Variants in PDGFRA observed in about 807,000 individuals in gnomAD.
PDGFRA encodes the protein platelet derived growth factor receptor alpha, also known as platelet-derived growth factor receptor alpha.
A neutral mutation model predicts 121.5 loss-of-function variants in PDGFRA; 25 were observed. That is an observed-to-expected ratio of 0.21 (90% CI 0.15 to 0.29). PDGFRA has a LOEUF of 0.29. PDGFRA is among the 10% of genes least tolerant of loss of function. The pLI, the probability that PDGFRA is intolerant of heterozygous loss-of-function variation, is 1.00. For synonymous variants in PDGFRA, 463 were observed against 494.8 expected (o/e 0.94, Z 0.85); for missense variants, 1,008 against 1,345.1 (o/e 0.75, Z 3.92).
chr4:54,275,061 A>C (rs575275436), intron 12 of PDGFRA, 88 bp downstream of exon 12: 1 of 1,433,128 alleles, frequency 7.0e-7, no homozygotes, highest in South Asian at 1.1e-5. Context: ...TAGAGATCTG[A>C]GCTTGTGCTT....
At chr4:54,247,182 C>A (rs1291462386) in intron 1 of PDGFRA, among the ~76,000 whole-genome samples, 1 of 152,098 alleles carries the variant, frequency 6.6e-6, no homozygotes, top group Non-Finnish European at 1.5e-5. Context: ...CTATTCCAAT[C>A]AATAGAAAAA....
intron 22 of PDGFRA, among the ~76,000 whole-genome samples, chr4:54,293,832 G>A (rs1020294711): frequency 3.3e-5 from 5 of 151,556 alleles, no homozygotes; most frequent in African/African-American, 9.7e-5. Context: ...CCAGTTCTCC[G>A]CTGTCTTTGC....
intron 1 of PDGFRA, among the ~76,000 whole-genome samples, chr4:54,253,608 A>G (rs1336333533): frequency 1.3e-5 from 2 of 152,204 alleles, no homozygotes; most frequent in African/African-American, 2.4e-5. Flanking sequence ...TTGGCATGAG[A>G]GAAGTAATTA....
intron 1 of PDGFRA, among the ~76,000 whole-genome samples, chr4:54,239,420 T>C (rs1216220563): frequency 6.6e-6 from 1 of 152,284 alleles, no homozygotes; most frequent in African/African-American, 2.4e-5. Context: ...CTTGAATTCC[T>C]TCCTGCATGA....
chr4:54,278,807 T>C, intron 15 of PDGFRA: 1 of 553,490 alleles, frequency 1.8e-6, no homozygotes, highest in East Asian at 4.3e-5. Flanking sequence ...CACTTAGACC[T>C]ATAAAATGCA....
intron 10 of PDGFRA, among the ~76,000 whole-genome samples, 157 bp downstream of exon 10, chr4:54,273,887 T>C (rs567896044): frequency 7.2e-5 from 11 of 152,364 alleles, no homozygotes; most frequent in African/African-American, 2.6e-4. Context: ...TGTTTTATTT[T>C]GTTTTGTTTT....
chr4:54,266,729 C>G (rs1295938431), intron 5 of PDGFRA, among the ~76,000 whole-genome samples: 2 of 152,038 alleles, frequency 1.3e-5, no homozygotes, highest in Non-Finnish European at 2.9e-5. Context: ...GCCTGTAATC[C>G]CAGTACTTTG....
intron 2 of PDGFRA, among the ~76,000 whole-genome samples, chr4:54,260,436 T>G (rs1417302341): frequency 7.4e-6 from 1 of 134,330 alleles, no homozygotes; most frequent in Non-Finnish European, 1.6e-5. Flanking sequence ...TGAGACAGGG[T>G]CTCTCGCTCT....
In PDGFRA at chr4:54,229,427, G is replaced by T. The variant is rs760170961; in HGVS notation, c.-13+12G>T. ...CATCGGAGGAGAAGGTAAGGGAAAAGAAAAAATGATTTTTTGTTTATAAGG... is the reference window on the plus strand; with the variant it reads ...CATCGGAGGAGAAGGTAAGGGAAAATAAAAAATGATTTTTTGTTTATAAGG... On this transcript the variant is annotated intron_variant, in intron 1 of 22. Transcript: ENST00000257290. 3.6e-4 allele frequency: 142 copies of T among 397,088 alleles called. No homozygotes were observed. The highest frequency in any genetic ancestry group is 5.4e-4 in the Non-Finnish European group (122 of 225,492). The allele number at this position is 397,088 out of a possible 1,614,324, so 24.6% of individuals were successfully genotyped here.
At chr4:54,291,629 C>T (rs1223810151) in intron 22 of PDGFRA, among the ~76,000 whole-genome samples, 1 of 152,116 alleles carries the variant, frequency 6.6e-6, no homozygotes, top group African/African-American at 2.4e-5. Flanking sequence ...CAAAAAATAA[C>T]AGATGCTGGT....
At chr4:54,269,504 TACACAC>T (rs141245838) in intron 7 of PDGFRA, among the ~76,000 whole-genome samples, 18,515 of 142,306 alleles carry the variant, frequency 0.13, 1,489 homozygotes, top group Admixed American at 0.27. Context: ...TGCACATACA[TACACAC>T]ACACACACAC....
At chr4:54,250,602 C>T (rs1722001382) in intron 1 of PDGFRA, among the ~76,000 whole-genome samples, 1 of 152,178 alleles carries the variant, frequency 6.6e-6, no homozygotes, top group African/African-American at 2.4e-5. Flanking sequence ...TTATTGTGTG[C>T]TACAGAGTTA....
At chr4:54,261,778 G>T (rs1722731449) in intron 3 of PDGFRA, among the ~76,000 whole-genome samples, 1 of 151,324 alleles carries the variant, frequency 6.6e-6, no homozygotes, top group Admixed American at 6.6e-5. Flanking sequence ...CTGTCTTGGA[G>T]TTGCTGATAG....
At chr4:54,276,600 C>T (rs985160914) in intron 12 of PDGFRA, among the ~76,000 whole-genome samples, 2 of 152,130 alleles carry the variant, frequency 1.3e-5, no homozygotes, top group African/African-American at 4.8e-5. Context: ...GGGCATAATT[C>T]CCATTATACC....
At chr4:54,247,117 C>T (rs1417055940) in intron 1 of PDGFRA, among the ~76,000 whole-genome samples, 1 of 152,164 alleles carries the variant, frequency 6.6e-6, no homozygotes, top group Admixed American at 6.5e-5. Context: ...CAGATGGATT[C>T]ACAGCCGAAT....
At chr4:54,248,419 A>AC (rs1277539975) in intron 1 of PDGFRA, among the ~76,000 whole-genome samples, 4 of 152,244 alleles carry the variant, frequency 2.6e-5, no homozygotes, top group Non-Finnish European at 4.4e-5. Context: ...CCGCATATCT[A>AC]CAACTATCTG....
chr4:54,246,892 C>A (rs944928064), intron 1 of PDGFRA, among the ~76,000 whole-genome samples: 1 of 151,874 alleles, frequency 6.6e-6, no homozygotes, highest in African/African-American at 2.4e-5. Context: ...GGGATATCAC[C>A]ACCGATCCCA....
At chr4:54,294,572 A>G (rs1461290638) in intron 22 of PDGFRA, among the ~76,000 whole-genome samples, 1 of 151,874 alleles carries the variant, frequency 6.6e-6, no homozygotes, top group Non-Finnish European at 1.5e-5. Context: ...CTGACTCCAG[A>G]ACTCCCCTTT....
chr4:54,245,743 G>T (rs954703731), intron 1 of PDGFRA, among the ~76,000 whole-genome samples: 5 of 152,182 alleles, frequency 3.3e-5, no homozygotes, highest in Admixed American at 6.5e-5. Context: ...TGGACTAAAT[G>T]CTTCAATCAA....
Sources: allele counts gnomAD v4.1 joint callset (sites outside exome capture counted in the v4.1 genomes callset), GRCh38; gene constraint gnomAD v4.1.1; transcripts MANE v1.5; gene names NCBI Gene and HGNC (gene_info 2026-07-23, HGNC 2026-07-21).